SULF1: variants seen among roughly 807,000 people sequenced by gnomAD.
The protein encoded by SULF1 is sulfatase 1.
In SULF1, 46 loss-of-function variants were observed where a neutral mutation model predicts 110.5. The observed-to-expected ratio is 0.42, with a 90% CI of 0.33 to 0.53. The LOEUF (loss-of-function observed/expected upper bound fraction) is 0.53. SULF1 is among the 20% of genes least tolerant of loss of function. The pLI, the probability that SULF1 is intolerant of heterozygous loss-of-function variation, is 0.12. For missense variants in SULF1, 941 were observed against 1,094.2 expected (o/e 0.86, Z 1.98); for synonymous variants, 371 against 387.1 (o/e 0.96, Z 0.49).
intron 3 of SULF1, among the ~76,000 whole-genome samples, chr8:69,539,671 C>T (rs1388545834): frequency 6.6e-6 from 1 of 152,092 alleles, no homozygotes; most frequent in Non-Finnish European, 1.5e-5. Context: ...ATGCGCAGGG[C>T]ATTCCTCGAG....
chr8:69,526,217 G>A (rs1365478168), intron 3 of SULF1, among the ~76,000 whole-genome samples: 2 of 151,956 alleles, frequency 1.3e-5, no homozygotes, highest in African/African-American at 2.4e-5. Context: ...TGAGTTCAAC[G>A]AAACCCCTCT....
intron 13 of SULF1, among the ~76,000 whole-genome samples, chr8:69,612,513 A>ATTGTTTTGTT (rs58787912): frequency 0.77 from 117,140 of 151,492 alleles, 45,684 homozygotes; most frequent in African/African-American, 0.87. Context: ...GCCAACATCT[A>ATTGTTTTGTT]TTGTTTTGTT....
chr8:69,518,807 G>A (rs1812103282), intron 3 of SULF1, among the ~76,000 whole-genome samples: 1 of 152,104 alleles, frequency 6.6e-6, no homozygotes, highest in Admixed American at 6.5e-5. Flanking sequence ...TTGTTCTTTG[G>A]CCATCTTTGT....
chr8:69,499,906 C>T (rs1810672161), intron 2 of SULF1, among the ~76,000 whole-genome samples: 1 of 152,090 alleles, frequency 6.6e-6, no homozygotes, highest in Admixed American at 6.6e-5. Flanking sequence ...CACACCACCA[C>T]ACCCAGCTAG....
rs1810081449 is a variant in SULF1 at position 69,493,453 on chromosome 8, ACACAC to A, written c.-391+329_-391+333del. Among the ~76,000 whole-genome samples the A allele has an allele frequency of 4.8e-4, 11 of 22,830 alleles. No individual in the cohort carries two copies. The East Asian group carries it at 9.3e-3, about 19-fold the overall frequency. The allele number at this position is 22,830 out of a possible 152,430, so 15.0% of individuals were successfully genotyped here. The stretch of plus-strand genomic sequence containing the variant: ...CACACACACACACACAACACTACAC[ACACAC>A]ACACACACACACACACACACACACA... On this transcript the variant is annotated intron_variant, in intron 1 of 22. Coordinates refer to ENST00000402687, the MANE Select transcript of SULF1 (RefSeq NM_001128205.2).
chr8:69,527,377 C>T lies in SULF1; in HGVS notation c.-134+25409C>T, dbSNP rs149127267. ...AAATAATACAAAAACCTGACAATAG[C>T]CATGTCATTGGGGGCAAGCGGAAAG... is the stretch of plus-strand genomic sequence containing the variant. On this transcript the variant is annotated intron_variant, in intron 3 of 22. Coordinates refer to ENST00000402687, the MANE Select transcript of SULF1 (RefSeq NM_001128205.2). 7.9e-3 allele frequency among the ~76,000 whole-genome samples: 1,195 copies of T among 152,086 alleles called. 10 individuals carry two copies. The highest frequency in any genetic ancestry group is 0.022 in the Admixed American group (340 of 15,282).
rs1020205011 is a variant in SULF1, at chr8:69,567,778, G to C, written c.172+3631G>C. ...TTGCTTCCTCCTTTTCCCTATTGTG[G>C]ATAATGCTGCTGTGAACATGGGTGT... On this transcript the variant is annotated intron_variant, in intron 5 of 22. Coordinates refer to ENST00000402687, the MANE Select transcript of SULF1 (RefSeq NM_001128205.2). Among the ~76,000 whole-genome samples, 4 of 152,196 alleles carry C rather than the reference G, an allele frequency of 2.6e-5. No individual in the cohort carries two copies. The South Asian group carries it at 8.3e-4, about 32-fold the overall frequency.
intron 22 of SULF1, chr8:69,642,334 A>G: frequency 1.0e-6 from 1 of 987,324 alleles, no homozygotes; most frequent in South Asian, 4.7e-5. Context: ...CCAAATGACA[A>G]CAGGAAAGGT....
At chr8:69,494,190 T>A (rs1810157406) in intron 1 of SULF1, among the ~76,000 whole-genome samples, 1 of 152,238 alleles carries the variant, frequency 6.6e-6, no homozygotes, top group Admixed American at 6.5e-5. Flanking sequence ...TGTGATTCAT[T>A]TGTAAGGCTT....
chr8:69,651,696 A>G (rs547454469), intron 22 of SULF1, among the ~76,000 whole-genome samples: 1 of 152,290 alleles, frequency 6.6e-6, no homozygotes, highest in Non-Finnish European at 1.5e-5. Context: ...GAATCCTTTC[A>G]TTCCTGAAAT....
chr8:69,518,885 C>T (rs1180337929), intron 3 of SULF1, among the ~76,000 whole-genome samples: 2 of 152,194 alleles, frequency 1.3e-5, no homozygotes, highest in African/African-American at 4.8e-5. Flanking sequence ...ATACAGATTT[C>T]TGGAACTCTT....
At chr8:69,575,897 A>G in intron 5 of SULF1, 73 bp from the exon 6 acceptor site, 1 of 1,551,610 alleles carries the variant, frequency 6.4e-7, no homozygotes, top group South Asian at 1.2e-5. Context: ...AAACAGAGGC[A>G]CTGAGGGGCA....
chr8:69,576,159 A>G lies in SULF1; in HGVS notation c.362A>G (p.His121Arg), dbSNP rs777599302. ...NCSSPSWQAMHEPRTFAVYLN... is the reference protein window; with the variant it reads ...NCSSPSWQAMREPRTFAVYLN... ...TCTTCCCCCTCGTGGCAGGCCATGC[A>G]TGAGCCTCGGACTTTTGCTGTATAT... is the stretch of plus-strand genomic sequence containing the variant. Residue 121 changes from histidine to arginine, a missense_variant, in exon 6 of 23, where the codon CAT becomes CGT. Physicochemically the swap from His to Arg is conservative, Grantham distance 29. Coordinates refer to ENST00000402687, the MANE Select transcript of SULF1 (RefSeq NM_001128205.2). 6.2e-7 allele frequency: 1 copy of G among 1,614,202 alleles called. No homozygotes were observed. The highest frequency in any genetic ancestry group is 1.7e-5 in the Admixed American group (1 of 60,024).
chr8:69,548,932 AC>A (rs760411476), intron 3 of SULF1, among the ~76,000 whole-genome samples: 5 of 152,144 alleles, frequency 3.3e-5, no homozygotes, highest in African/African-American at 4.8e-5. Context: ...CCACACACAT[AC>A]ACACACACAA....
At chr8:69,596,376 T>C (rs1807332270) in intron 8 of SULF1, among the ~76,000 whole-genome samples, 1 of 152,154 alleles carries the variant, frequency 6.6e-6, no homozygotes, top group African/African-American at 2.4e-5. Flanking sequence ...TTTTGTCCTC[T>C]CAATTTTAAA....
At chr8:69,489,460 C>A (rs1294574064), upstream of SULF1, among the ~76,000 whole-genome samples, 1 of 150,912 alleles carries the variant, frequency 6.6e-6, no homozygotes. Flanking sequence ...TTTAGTCTGT[C>A]ACAAGGTAAA....
At chr8:69,534,889 T>C (rs1217577057) in intron 3 of SULF1, among the ~76,000 whole-genome samples, 1 of 151,912 alleles carries the variant, frequency 6.6e-6, no homozygotes, top group African/African-American at 2.4e-5. Context: ...AAAATTCAGC[T>C]AAGAGAGTAC....
At chr8:69,552,094 A>G (rs1814762904) in intron 3 of SULF1, among the ~76,000 whole-genome samples, 1 of 152,190 alleles carries the variant, frequency 6.6e-6, no homozygotes, top group African/African-American at 2.4e-5. Context: ...ACTATGTCTC[A>G]AAGAAAAAGC....
chr8:69,528,615 ATACAACTC>A, intron 3 of SULF1, among the ~76,000 whole-genome samples: 1 of 152,342 alleles, frequency 6.6e-6, no homozygotes, highest in African/African-American at 2.4e-5. Flanking sequence ...ACTTTTGGAC[ATACAACTC>A]TTAGAAGAAA....
Sources: allele counts gnomAD v4.1 joint callset (sites outside exome capture counted in the v4.1 genomes callset), GRCh38; gene constraint gnomAD v4.1.1; transcripts MANE v1.5; gene names NCBI Gene and HGNC (gene_info 2026-07-23, HGNC 2026-07-21).